Variants in MAN2A1 observed in about 807,000 individuals in gnomAD.
MAN2A1 encodes alpha-mannosidase 2.
In MAN2A1, 76 loss-of-function variants were observed where a neutral mutation model predicts 142.6. That is an observed-to-expected ratio of 0.53 (90% CI 0.44 to 0.65). The LOEUF (loss-of-function observed/expected upper bound fraction) is 0.65. Ranked by LOEUF, MAN2A1 falls within the 30% of genes least tolerant of loss-of-function variation. The pLI is 0.00. For missense variants in MAN2A1, 1,311 were observed against 1,365.1 expected (o/e 0.96, Z 0.62); for synonymous variants, 559 against 473.2 (o/e 1.18, Z -2.35).
intron 17 of MAN2A1, among the ~76,000 whole-genome samples, chr5:109,845,465 T>G (rs1755322373): frequency 6.6e-6 from 1 of 152,136 alleles, no homozygotes; most frequent in African/African-American, 2.4e-5. Context: ...AGATATTTCT[T>G]GAAAGGGGAT....
At position 109,781,406 on chromosome 5, in the gene MAN2A1, G is replaced by T. The variant is rs1753451540; in HGVS notation, c.1385G>T (p.Gly462Val). The T allele has an allele frequency of 6.2e-7, 1 of 1,600,800 alleles. No homozygotes were observed. Among genetic ancestry groups the T allele is most frequent in the Non-Finnish European group, 8.5e-7 (1 of 1,175,330 alleles). ...TTTTTTTAAAACTAGATACAGTTTG[G>T]AACTTTATCAGATTTTTTTGATGCG... ...QSKFKVKIQF[G>V]TLSDFFDALD... Residue 462 changes from glycine (G) to valine (V), a missense_variant, in exon 9 of 22, where the codon GGA (glycine) becomes GTA (valine). Gly to Val is a moderately radical substitution (Grantham distance 109). Transcript: ENST00000261483.
chr5:109,825,960 G>T (rs1008207388), intron 16 of MAN2A1, among the ~76,000 whole-genome samples: 1 of 131,656 alleles, frequency 7.6e-6, no homozygotes, highest in Admixed American at 8.8e-5. Context: ...AGGCTGGAGT[G>T]CAGTGGAGCG....
At chr5:109,743,387 A>G (rs1334038261) in intron 4 of MAN2A1, among the ~76,000 whole-genome samples, 6 of 152,196 alleles carry the variant, frequency 3.9e-5, no homozygotes, top group African/African-American at 9.7e-5. Flanking sequence ...TCGTTTAATT[A>G]TTCAGCCAAT....
Position 109,811,600 on chromosome 5 carries a change from G to C in MAN2A1, c.1944-5673G>C, listed in dbSNP as rs146353205. On this transcript the variant is annotated intron_variant, in intron 12 of 21. Transcript: ENST00000261483. ...TGTGTGTGTGTGTGTGTGTGTGTGT[G>C]TGTGTGTCTGTGTCTGTGTGTCTGC... Among the ~76,000 whole-genome samples the C allele has an allele frequency of 9.6e-3, 1,463 of 151,776 alleles. 22 individuals carry two copies. Among genetic ancestry groups the C allele is most frequent in the African/African-American group, 0.033 (1,379 of 41,352 alleles).
intron 1 of MAN2A1, among the ~76,000 whole-genome samples, chr5:109,707,735 C>T (rs959462273): frequency 2.6e-5 from 4 of 151,930 alleles, no homozygotes; most frequent in African/African-American, 7.3e-5. Context: ...TGGCTTGGAA[C>T]GGAGATAAGA....
At chr5:109,832,124 T>A (rs1754922614) in intron 16 of MAN2A1, among the ~76,000 whole-genome samples, 1 of 150,740 alleles carries the variant, frequency 6.6e-6, no homozygotes, top group South Asian at 2.1e-4. Context: ...AGGAAAGTTG[T>A]TCACATAAAT....
intron 12 of MAN2A1, among the ~76,000 whole-genome samples, chr5:109,813,009 A>G (rs574229974): frequency 4.6e-5 from 7 of 152,102 alleles, no homozygotes; most frequent in Non-Finnish European, 2.9e-5. Flanking sequence ...AAAAATATGT[A>G]TTTTTTTAAT....
At chr5:109,690,895 G>C (rs1215757666) in intron 1 of MAN2A1, among the ~76,000 whole-genome samples, 1 of 152,152 alleles carries the variant, frequency 6.6e-6, no homozygotes, top group African/African-American at 2.4e-5. Flanking sequence ...CGCCAGCCCG[G>C]GGCCCGCGTA....
chr5:109,732,673 A>G (rs1340380422), intron 4 of MAN2A1, among the ~76,000 whole-genome samples: 3 of 152,118 alleles, frequency 2.0e-5, no homozygotes, highest in Non-Finnish European at 2.9e-5. Context: ...AGATAGTTGC[A>G]GATATGTGGC....
intron 1 of MAN2A1, 76 bp from the exon 2 acceptor site, chr5:109,713,444 T>TA (rs138299919): frequency 0.072 from 78,649 of 1,096,280 alleles, 590 homozygotes; most frequent in Non-Finnish European, 0.08. Flanking sequence ...CCACATAATT[T>TA]AAAAAAAAAA....
intron 15 of MAN2A1, among the ~76,000 whole-genome samples, chr5:109,822,177 T>C (rs1233358319): frequency 6.6e-6 from 1 of 150,806 alleles, no homozygotes; most frequent in Non-Finnish European, 1.5e-5. Context: ...TTTTCTTTTT[T>C]TTTTTTTTTA....
chr5:109,848,556 A>C (rs1755400079), intron 19 of MAN2A1, among the ~76,000 whole-genome samples: 1 of 151,728 alleles, frequency 6.6e-6, no homozygotes, highest in East Asian at 1.9e-4. Flanking sequence ...TCTAACATCT[A>C]CTCCCACCCT....
chr5:109,795,607 C>T (rs574092310), intron 12 of MAN2A1, among the ~76,000 whole-genome samples: 1 of 152,258 alleles, frequency 6.6e-6, no homozygotes, highest in East Asian at 1.9e-4. Flanking sequence ...AATGCAATTA[C>T]TTGCTGATTA....
At chr5:109,693,699 C>T (rs1347987769) in intron 1 of MAN2A1, among the ~76,000 whole-genome samples, 1 of 152,054 alleles carries the variant, frequency 6.6e-6, no homozygotes, top group Non-Finnish European at 1.5e-5. Flanking sequence ...CAGTTTCTCT[C>T]ACCCCGGAAC....
At chr5:109,839,610 G>A (rs1460494744) in intron 16 of MAN2A1, among the ~76,000 whole-genome samples, 1 of 149,462 alleles carries the variant, frequency 6.7e-6, no homozygotes, top group Non-Finnish European at 1.5e-5. Context: ...CCAGGAGTTC[G>A]AGGCCAGCCT....
chr5:109,815,288 G>A (rs1754424048), intron 12 of MAN2A1, among the ~76,000 whole-genome samples: 1 of 152,162 alleles, frequency 6.6e-6, no homozygotes, highest in South Asian at 2.1e-4. Flanking sequence ...AATCTCTGAG[G>A]TAAGTCTGTT....
At chr5:109,734,952 T>G (rs941805778) in intron 4 of MAN2A1, among the ~76,000 whole-genome samples, 5 of 152,192 alleles carry the variant, frequency 3.3e-5, no homozygotes, top group African/African-American at 1.2e-4. Context: ...CATTGATCTG[T>G]CTAATGTTGA....
intron 12 of MAN2A1, among the ~76,000 whole-genome samples, chr5:109,791,078 A>G (rs1753726098): frequency 6.6e-6 from 1 of 152,082 alleles, no homozygotes; most frequent in South Asian, 2.1e-4. Flanking sequence ...CATAAATGGA[A>G]TTTCGGGGGC....
chr5:109,849,086 A>G (rs1395525314), intron 19 of MAN2A1, among the ~76,000 whole-genome samples: 3 of 152,322 alleles, frequency 2.0e-5, no homozygotes, highest in East Asian at 3.9e-4. Flanking sequence ...CTATGGAGCT[A>G]TGCAGTTTGG....
Sources: allele counts gnomAD v4.1 joint callset (sites outside exome capture counted in the v4.1 genomes callset), GRCh38; gene constraint gnomAD v4.1.1; transcripts MANE v1.5; gene names NCBI Gene and HGNC (gene_info 2026-07-23, HGNC 2026-07-21).